The following PTP4A3 variants were observed in gnomAD, a reference collection of about 807,000 sequenced individuals.
PTP4A3 encodes the protein protein tyrosine phosphatase type IVA 3.
A neutral mutation model predicts 15.2 loss-of-function variants in PTP4A3; 9 were observed. The observed-to-expected ratio is 0.59, with a 90% CI of 0.36 to 1.03. The LOEUF (loss-of-function observed/expected upper bound fraction) is 1.03, where lower values mean the gene tolerates loss of function less well. Ranked by LOEUF, PTP4A3 falls within the 50% of genes least tolerant of loss-of-function variation. The pLI, the probability that PTP4A3 is intolerant of heterozygous loss-of-function variation, is 0.02. For synonymous variants in PTP4A3, 95 were observed against 102.0 expected (o/e 0.93, Z 0.41); for missense variants, 234 against 252.1 (o/e 0.93, Z 0.49).
chr8:141,412,862 C>T (rs1832906183), intron 1 of PTP4A3, among the ~76,000 whole-genome samples: 1 of 152,230 alleles, frequency 6.6e-6, no homozygotes, highest in Admixed American at 6.5e-5. Flanking sequence ...AGGCACACAG[C>T]ATGCACGGGA....
intron 2 of PTP4A3, among the ~76,000 whole-genome samples, chr8:141,424,021 G>A (rs1833451841): frequency 6.6e-6 from 1 of 152,076 alleles, no homozygotes; most frequent in African/African-American, 2.4e-5. Flanking sequence ...GATCAGGAAG[G>A]GCTCAGCCTG....
rs555297320 is a variant in PTP4A3 at position 141,426,982 on chromosome 8, T to C, written c.242T>C (p.Val81Ala). 1 of 1,609,176 alleles carries C rather than the reference T, an allele frequency of 6.2e-7. No homozygotes were observed. Among genetic ancestry groups the C allele is most frequent in the African/African-American group, 1.3e-5 (1 of 75,050 alleles). Residue 81 changes from valine to alanine, a missense_variant, in exon 4 of 6, where the codon GTG becomes GCG. Val to Ala is a moderately conservative substitution (Grantham distance 64). Coordinates refer to ENST00000521578, the MANE Select transcript of PTP4A3 (RefSeq NM_032611.3). ...GGGGCGCCCCCGCCCGGCAAGGTAG[T>C]GGAAGACTGGCTGAGCCTGGTGAAG... The part of the protein sequence containing the change: ...DDGAPPPGKV[V>A]EDWLSLVKAK...
chr8:141,401,051 A>G (rs572817652), intron 1 of PTP4A3, among the ~76,000 whole-genome samples: 2 of 152,152 alleles, frequency 1.3e-5, no homozygotes, highest in Admixed American at 1.3e-4. Flanking sequence ...ACCTGACGGA[A>G]CGGCATCACT....
At chr8:141,411,168 C>T (rs899999433) in intron 1 of PTP4A3, among the ~76,000 whole-genome samples, 6 of 152,204 alleles carry the variant, frequency 3.9e-5, no homozygotes, top group South Asian at 4.1e-4. Flanking sequence ...GGCCGAGCCC[C>T]GCTTTTTCTG....
rs1207396404 is a variant in PTP4A3, at chr8:141,396,765, T to C, written c.-854+4681T>C. Among the ~76,000 whole-genome samples, 5 of 152,084 alleles carry C rather than the reference T, an allele frequency of 3.3e-5. No homozygotes were observed. In the South Asian group the frequency reaches 8.3e-4, roughly 25 times the overall value. The stretch of plus-strand genomic sequence containing the variant: ...CAGCTTGGTCATGTCACCTTCTGAG[T>C]CTCAGTGTTCCCTTCTCACGTGGGA... On this transcript the variant is annotated intron_variant, in intron 1 of 5. Transcript: ENST00000521578.
At chr8:141,409,836 C>T (rs898325337) in intron 1 of PTP4A3, among the ~76,000 whole-genome samples, 3 of 152,214 alleles carry the variant, frequency 2.0e-5, no homozygotes, top group Non-Finnish European at 2.9e-5. Flanking sequence ...CTTGCGCTGG[C>T]GAGGGGCCGT....
chr8:141,422,421 G>T (rs540849350), intron 2 of PTP4A3, 76 bp downstream of exon 2: 8 of 1,518,074 alleles, frequency 5.3e-6, no homozygotes, highest in South Asian at 1.1e-5. Context: ...CTCAGGCCTC[G>T]CAAGAGGGGT....
intron 1 of PTP4A3, among the ~76,000 whole-genome samples, chr8:141,403,874 CTATT>C (rs1323785226): frequency 3.9e-5 from 6 of 152,256 alleles, no homozygotes; most frequent in Admixed American, 6.5e-5. Context: ...CTGACTATGT[CTATT>C]TGACGAATTT....
rs769213289 is a variant in PTP4A3 at position 141,422,335 on chromosome 8, C to A, written c.95C>A (p.Thr32Asn). 6.2e-7 allele frequency: 1 copy of A among 1,613,472 alleles called. No homozygotes were observed. Among genetic ancestry groups the A allele is most frequent in the Admixed American group, 1.7e-5 (1 of 60,028 alleles). ...AACCCCACCAACGCCACGCTCAGCA[C>A]CTTCATTGAGGTGAGTGGAGACGGA... is the stretch of plus-strand genomic sequence containing the variant. ...THNPTNATLS[T>N]FIEDLKKYGA... is the part of the protein sequence containing the mutation. Residue 32 changes from threonine to asparagine, a missense_variant, in exon 2 of 6, where the codon ACC becomes AAC. Transcript: ENST00000521578.
chr8:141,418,585 G>A (rs1054737204), intron 1 of PTP4A3, among the ~76,000 whole-genome samples: 43 of 152,240 alleles, frequency 2.8e-4, no homozygotes, highest in African/African-American at 9.6e-4. Context: ...CTGGCCCGAG[G>A]AGGCTGAGCC....
At chr8:141,410,517 C>T (rs566268188) in intron 1 of PTP4A3, among the ~76,000 whole-genome samples, 7 of 152,350 alleles carry the variant, frequency 4.6e-5, no homozygotes, top group Admixed American at 2.0e-4. Flanking sequence ...CCTCACAGCC[C>T]CTGTGGGTAC....
intron 1 of PTP4A3, among the ~76,000 whole-genome samples, chr8:141,411,498 C>T (rs1435800828): frequency 6.6e-6 from 1 of 152,200 alleles, no homozygotes; most frequent in Non-Finnish European, 1.5e-5. Flanking sequence ...TGCCAGGCTG[C>T]GTCTCACCAT....
intron 1 of PTP4A3, among the ~76,000 whole-genome samples, chr8:141,407,099 GCC>G (rs1263666632): frequency 6.6e-6 from 1 of 152,118 alleles, no homozygotes; most frequent in African/African-American, 2.4e-5. Context: ...TCCCTGACCT[GCC>G]CAGCATCCTC....
intron 1 of PTP4A3, among the ~76,000 whole-genome samples, chr8:141,409,200 G>C (rs564437738): frequency 6.6e-6 from 1 of 152,340 alleles, no homozygotes; most frequent in South Asian, 2.1e-4. Flanking sequence ...GGAGGCCTGG[G>C]AGCTGCAGCA....
intron 4 of PTP4A3, 44 bp from the exon 5 acceptor site, chr8:141,427,706 G>A (rs1833644593): frequency 3.3e-6 from 5 of 1,509,934 alleles, no homozygotes; most frequent in Non-Finnish European, 4.5e-6. Flanking sequence ...AGGGGACAGG[G>A]GTGCGCAGGC....
chr8:141,414,661 A>AC (rs1452323082), intron 1 of PTP4A3, among the ~76,000 whole-genome samples: 17 of 149,458 alleles, frequency 1.1e-4, no homozygotes, highest in African/African-American at 3.5e-4. Flanking sequence ...CCAGACTGGC[A>AC]CAGGTGGATC....
At chr8:141,402,572 C>T (rs1832619893) in intron 1 of PTP4A3, among the ~76,000 whole-genome samples, 1 of 152,160 alleles carries the variant, frequency 6.6e-6, no homozygotes, top group Non-Finnish European at 1.5e-5. Context: ...GGCCTCGCGC[C>T]TGTCCCGGCC....
chr8:141,408,910 A>G (rs1260803446), intron 1 of PTP4A3, among the ~76,000 whole-genome samples: 1 of 152,228 alleles, frequency 6.6e-6, no homozygotes, highest in African/African-American at 2.4e-5. Context: ...GCCCTCACAG[A>G]GTGCCTTGCC....
chr8:141,414,346 C>G (rs1832956619), intron 1 of PTP4A3, among the ~76,000 whole-genome samples: 1 of 150,064 alleles, frequency 6.7e-6, no homozygotes, highest in Non-Finnish European at 1.5e-5. Flanking sequence ...CGAGTGTGGC[C>G]CTAGGGTCTG....
Sources: gnomAD v4.1 joint callset for allele counts (sites outside exome capture counted in the v4.1 genomes callset) on GRCh38, gnomAD v4.1.1 for gene constraint, MANE v1.5 for transcripts, NCBI Gene and HGNC (gene_info 2026-07-23, HGNC 2026-07-21) for gene names.